ASXL1: variants seen among roughly 807,000 people sequenced by gnomAD.
The protein encoded by ASXL1 is polycomb group protein ASXL1.
A neutral mutation model predicts 89.1 loss-of-function variants in ASXL1; 65 were observed. The observed-to-expected ratio is 0.73, with a 90% CI of 0.60 to 0.90. The LOEUF (loss-of-function observed/expected upper bound fraction) is 0.90, where lower values mean the gene tolerates loss of function less well. ASXL1 is among the 40% of genes least tolerant of loss of function. The pLI, the probability that ASXL1 is intolerant of heterozygous loss-of-function variation, is 0.00. For missense variants in ASXL1, 1,786 were observed against 1,942.9 expected (o/e 0.92, Z 1.52); for synonymous variants, 739 against 746.9 (o/e 0.99, Z 0.17).
intron 4 of ASXL1, among the ~76,000 whole-genome samples, chr20:32,396,970 A>C (rs2424886): frequency 0.33 from 49,282 of 149,322 alleles, 9,640 homozygotes; most frequent in Middle Eastern, 0.51. Flanking sequence ...ATGATAGCTG[A>C]ATAGCTAAAA....
chr20:32,358,955 C>A (rs1252884246), intron 1 of ASXL1, 123 bp downstream of exon 1: 3 of 1,057,088 alleles, frequency 2.8e-6, no homozygotes, highest in East Asian at 3.0e-5. Context: ...GGGCCATCTT[C>A]CTTTAAGAAC....
rs899345535 is a variant in ASXL1 at position 32,433,870 on chromosome 20, G to A, written c.1672G>A (p.Glu558Lys). Residue 558 changes from glutamate (E) to lysine (K), a missense_variant, in exon 12 of 13, where the codon GAA (glutamate) becomes AAA (lysine). By Grantham distance (56) the Glu-to-Lys change is moderately conservative. Transcript: ENST00000375687. ...FRNTIESVHT[E>K]KPQPTKEEPK... ...TAACACAATTGAAAGTGTTCACACC[G>A]AAAAGCCACAGCCCACTAAAGAGGA... The A allele has an allele frequency of 6.2e-7, 1 of 1,613,816 alleles. No individual in the cohort carries two copies. The highest frequency in any genetic ancestry group is 8.5e-7 in the Non-Finnish European group (1 of 1,180,028).
At chr20:32,360,436 C>T (rs1183951377) in intron 1 of ASXL1, 3 of 150,772 alleles carry the variant, frequency 2.0e-5, no homozygotes, top group African/African-American at 7.3e-5. Flanking sequence ...CAAATATAGG[C>T]CTGATGGGGA....
At position 32,437,885 on chromosome 20, in the gene ASXL1, C is replaced by CG. The variant is rs1600597642; in HGVS notation, c.*549dup. The CG allele has an allele frequency of 4.2e-6, 1 of 240,356 alleles. No individual in the cohort carries two copies. The highest frequency in any genetic ancestry group is 2.2e-5 in the African/African-American group (1 of 45,382). 14.9% of individuals were successfully genotyped at this position (240,356 alleles called of 1,614,324 possible). On this transcript the variant is annotated 3_prime_UTR_variant, in exon 13 of 13. Coordinates refer to ENST00000375687, the MANE Select transcript of ASXL1 (RefSeq NM_015338.6). ...CACAGTTGAGTCATTTGCCAGTTGA[C>CG]GGAGCAAGTTTGACCTTGGTTCTGT...
intron 4 of ASXL1, among the ~76,000 whole-genome samples, chr20:32,417,231 T>A (rs1031005649): frequency 6.6e-6 from 1 of 152,166 alleles, no homozygotes; most frequent in African/African-American, 2.4e-5. Flanking sequence ...TTCAAGAAAT[T>A]CTAAATAAAA....
intron 4 of ASXL1, among the ~76,000 whole-genome samples, chr20:32,397,104 G>A (rs2123028059): frequency 6.8e-6 from 1 of 147,310 alleles, no homozygotes; most frequent in Admixed American, 6.8e-5. Context: ...GAGTGCAGTA[G>A]TGTGATCTCG....
chr20:32,392,052 TG>T (rs918606636), intron 4 of ASXL1, among the ~76,000 whole-genome samples: 3 of 152,056 alleles, frequency 2.0e-5, no homozygotes, highest in African/African-American at 7.2e-5. Context: ...TTACTTGGGA[TG>T]CTTGGACCAT....
chr20:32,364,483 G>GT (rs2122795693), intron 1 of ASXL1, among the ~76,000 whole-genome samples: 1 of 152,178 alleles, frequency 6.6e-6, no homozygotes, highest in African/African-American at 2.4e-5. Flanking sequence ...CTCCCAAAGT[G>GT]CTGGGATTAC....
chr20:32,358,685 A>ACCG lies in ASXL1; in HGVS notation c.-79_-77dup, dbSNP rs886056593. The ACCG allele has an allele frequency of 1.8e-3, 906 of 501,580 alleles. 4 individuals carry two copies. The highest frequency in any genetic ancestry group is 8.1e-3 in the Admixed American group (121 of 14,974). 31.1% of individuals were successfully genotyped at this position (501,580 alleles called of 1,614,324 possible). A position where few individuals can be genotyped will look rare whatever the true frequency, so the allele number is the denominator to read the frequency against. ...GCCGCCGCTGCCACGCGCCCCCCCC[A>ACCG]CCGCCGCCGCCGCCCCAGCCCCGCG... On this transcript the variant is annotated 5_prime_UTR_variant, in exon 1 of 13. Coordinates refer to ENST00000375687, the MANE Select transcript of ASXL1 (RefSeq NM_015338.6).
Position 32,435,654 on chromosome 20 carries a change from A to G in ASXL1, c.2942A>G (p.Glu981Gly), listed in dbSNP as rs763987748. The G allele has an allele frequency of 1.5e-5, 24 of 1,614,050 alleles. No individual in the cohort carries two copies. The highest frequency in any genetic ancestry group is 4.0e-5 in the African/African-American group (3 of 74,926). ...AGTTACTGTCAACAGGTGGACATTGAAAAGCTGAAAATCAACGGAGACTCT... is the reference window on the plus strand; with the variant it reads ...AGTTACTGTCAACAGGTGGACATTGGAAAGCTGAAAATCAACGGAGACTCT... ...NGSYCQQVDI[E>G]KLKINGDSEA... Residue 981 changes from glutamate (E) to glycine (G), a missense_variant, in exon 13 of 13, where the codon GAA (glutamate) becomes GGA (glycine). By Grantham distance (98) the Glu-to-Gly change is moderately conservative. Around this residue, in one of 3 missense-constraint regions of ASXL1, gnomAD observed 1,418 missense variants for 1,427.8 expected, o/e 0.99. Coordinates refer to ENST00000375687, the MANE Select transcript of ASXL1 (RefSeq NM_015338.6).
At chr20:32,360,248 CA>C (rs541139917) in intron 1 of ASXL1, 123 of 156,656 alleles carry the variant, frequency 7.9e-4, no homozygotes, top group African/African-American at 2.8e-3. Context: ...ACAAAAATAG[CA>C]ATTGTTTGTA....
chr20:32,412,604 T>C (rs1202012512), intron 4 of ASXL1, among the ~76,000 whole-genome samples: 2 of 151,592 alleles, frequency 1.3e-5, no homozygotes, highest in African/African-American at 4.8e-5. Flanking sequence ...ATTTTTTTTT[T>C]TTTTTTTTTG....
In ASXL1 at chr20:32,435,079, T is replaced by C. The variant is rs1163284834; in HGVS notation, c.2367T>C (p.Cys789=). The C allele has an allele frequency of 6.2e-7, 1 of 1,613,868 alleles. No homozygotes were observed. Among genetic ancestry groups the C allele is most frequent in the East Asian group, 2.2e-5 (1 of 44,874 alleles). The change falls in exon 13 of 13, where the codon TGT becomes TGC. Residue 789 remains cysteine (C), a synonymous_variant. Coordinates refer to ENST00000375687, the MANE Select transcript of ASXL1 (RefSeq NM_015338.6). ...PQLHPDVRTE[C]ESGTTSWESD... Reference sequence around the variant, plus strand: ...TGCATCCGGATGTTAGAACTGAATGTGAGTCTGGCACCACTTCCTGGGAAA... The same window carrying C: ...TGCATCCGGATGTTAGAACTGAATGCGAGTCTGGCACCACTTCCTGGGAAA...
At position 32,434,434 on chromosome 20, in the gene ASXL1, T is replaced by G; in HGVS notation, c.1722T>G (p.Ile574Met). Residue 574 changes from isoleucine to methionine, a missense_variant and splice_region_variant, in exon 13 of 13, where the codon ATT becomes ATG. Transcript: ENST00000375687. ...KEEPKVPPIR[I>M]QLSRIKPPWV... ...ATTTTCTAATTCTTTTTTTGCAGAT[T>G]CAACTTTCACGTATCAAACCACCCT... is the stretch of plus-strand genomic sequence containing the variant. 6.2e-7 allele frequency: 1 copy of G among 1,613,962 alleles called. No individual in the cohort carries two copies. The highest frequency in any genetic ancestry group is 8.5e-7 in the Non-Finnish European group (1 of 1,180,032).
chr20:32,401,965 GTTGT>G (rs1301409489), intron 4 of ASXL1, among the ~76,000 whole-genome samples: 1 of 152,190 alleles, frequency 6.6e-6, no homozygotes, highest in Non-Finnish European at 1.5e-5. Flanking sequence ...TTATGTGAAT[GTTGT>G]TTCTCTCTCA....
chr20:32,428,649 A>AC (rs2011412793), intron 6 of ASXL1: 1 of 176,094 alleles, frequency 5.7e-6, no homozygotes, highest in South Asian at 8.0e-5. Context: ...GATTTTGTTC[A>AC]TTCTTTTTTT....
Position 32,434,988 on chromosome 20 carries a change from G to T in ASXL1, c.2276G>T (p.Cys759Phe). 6.2e-7 allele frequency: 1 copy of T among 1,614,168 alleles called. No homozygotes were observed. The highest frequency in any genetic ancestry group is 8.5e-7 in the Non-Finnish European group (1 of 1,180,028). The change falls in exon 13 of 13, where the codon TGC becomes TTC. Residue 759 changes from cysteine to phenylalanine, a missense_variant. By Grantham distance (205) the Cys-to-Phe change is radical. This residue lies in a region of ASXL1 where 1,418 missense variants were observed against 1,427.8 expected (regional missense o/e 0.99). Transcript: ENST00000375687. ...GTTGCTCCCACTGGGGACCAGCCATGCCAGGCCTTGCCCCTACTGTCCTCC... is the reference window on the plus strand; with the variant it reads ...GTTGCTCCCACTGGGGACCAGCCATTCCAGGCCTTGCCCCTACTGTCCTCC... ...LPVAPTGDQP[C>F]QALPLLSSQT...
rs1260140152 is a variant in ASXL1, at chr20:32,437,073, T to G, written c.4361T>G (p.Phe1454Cys). 6.2e-7 allele frequency: 1 copy of G among 1,614,054 alleles called. No homozygotes were observed. The highest frequency in any genetic ancestry group is 8.5e-7 in the Non-Finnish European group (1 of 1,180,044). The stretch of plus-strand genomic sequence containing the variant: ...AAACTCCAACTGAGTTCCACCAGCT[T>G]TAATTATTCCTCTAGCTCTCCCACC... ...LSKLQLSSTS[F>C]NYSSSSPTFP... Residue 1454 changes from phenylalanine to cysteine, a missense_variant, in exon 13 of 13, where the codon TTT becomes TGT. Transcript: ENST00000375687.
chr20:32,412,472 G>A (rs2049065035), intron 4 of ASXL1, among the ~76,000 whole-genome samples: 2 of 151,996 alleles, frequency 1.3e-5, no homozygotes, highest in South Asian at 4.1e-4. Flanking sequence ...CCCCTTCAGT[G>A]TGGTTATGTT....
Sources: gnomAD v4.1 joint callset for allele counts (sites outside exome capture counted in the v4.1 genomes callset) on GRCh38, gnomAD v4.1.1 for gene constraint, gnomAD v4.1.1 regional missense constraint, MANE v1.5 for transcripts, NCBI Gene and HGNC (gene_info 2026-07-23, HGNC 2026-07-21) for gene names.